Variants in MTHFD1L observed in about 807,000 individuals in gnomAD.
The protein encoded by MTHFD1L is methylenetetrahydrofolate dehydrogenase (NADP+ dependent) 1 like, also known as monofunctional C1-tetrahydrofolate synthase, mitochondrial.
In MTHFD1L, 81 loss-of-function variants were observed where a neutral mutation model predicts 119.5. The ratio of observed to expected loss-of-function variants is 0.68; its 90% CI spans 0.57 to 0.82. The LOEUF (loss-of-function observed/expected upper bound fraction) is 0.82, where lower values mean the gene tolerates loss of function less well. Ranked by LOEUF, MTHFD1L falls within the 40% of genes least tolerant of loss-of-function variation. The pLI is 0.00. For missense variants in MTHFD1L, 1,125 were observed against 1,253.4 expected (o/e 0.90, Z 1.55); for synonymous variants, 430 against 475.2 (o/e 0.90, Z 1.24).
chr6:150,924,450 G>T (rs1789566272), intron 10 of MTHFD1L, among the ~76,000 whole-genome samples: 1 of 151,690 alleles, frequency 6.6e-6, no homozygotes, highest in Non-Finnish European at 1.5e-5. Context: ...GGGCTTACAG[G>T]CATGAGCCAC....
chr6:151,066,370 G>A (rs12182430), intron 26 of MTHFD1L, among the ~76,000 whole-genome samples: 74 of 139,834 alleles, frequency 5.3e-4, no homozygotes, highest in Non-Finnish European at 1.0e-3. Context: ...CCAGGAGGCA[G>A]AGCTTGCAAG....
At chr6:151,081,498 C>CAAAAAAAA (rs56795003) in intron 26 of MTHFD1L, among the ~76,000 whole-genome samples, 28 of 98,152 alleles carry the variant, frequency 2.9e-4, no homozygotes, top group African/African-American at 4.6e-4. Flanking sequence ...ACTAAAAATG[C>CAAAAAAAA]AAAAAAAAAA....
At chr6:150,898,956 G>A (rs1190408318) in intron 7 of MTHFD1L, 3 of 1,061,932 alleles carry the variant, frequency 2.8e-6, no homozygotes, top group East Asian at 2.0e-4. Flanking sequence ...TCCTGTGAAA[G>A]GGAATTATTT....
chr6:151,014,652 C>G (rs1206346452), intron 22 of MTHFD1L, among the ~76,000 whole-genome samples: 1 of 152,234 alleles, frequency 6.6e-6, no homozygotes, highest in African/African-American at 2.4e-5. Context: ...CTGTCCTCAG[C>G]AGGGTGAGCT....
chr6:150,877,832 A>T lies in MTHFD1L; in HGVS notation c.417+6A>T. The T allele has an allele frequency of 6.2e-7, 1 of 1,614,216 alleles. No homozygotes were observed. Among genetic ancestry groups the T allele is most frequent in the South Asian group, 1.1e-5 (1 of 91,086 alleles). On this transcript the variant is annotated splice_donor_region_variant and intron_variant, in intron 4 of 27. Transcript: ENST00000367321. ...CAGATAGCAGTGAAGCCGAGGTAAT[A>T]ATGGCAGAGCTCTAAACTCTTGCTT...
chr6:151,029,917 T>A (rs1318361048), intron 24 of MTHFD1L, among the ~76,000 whole-genome samples: 2 of 152,210 alleles, frequency 1.3e-5, no homozygotes, highest in Non-Finnish European at 2.9e-5. Flanking sequence ...AAAATCACAC[T>A]CTTTATTTTT....
At chr6:150,880,001 G>A (rs1027183663) in intron 4 of MTHFD1L, among the ~76,000 whole-genome samples, 3 of 152,172 alleles carry the variant, frequency 2.0e-5, no homozygotes, top group Non-Finnish European at 4.4e-5. Context: ...TTGTGCATGT[G>A]TGTGGGGTAC....
chr6:151,074,605 G>A (rs77260600), intron 26 of MTHFD1L, among the ~76,000 whole-genome samples: 3,224 of 152,306 alleles, frequency 0.021, 89 homozygotes, highest in South Asian at 0.11. Flanking sequence ...GTCATGTGCT[G>A]TATAATAACG....
intron 26 of MTHFD1L, among the ~76,000 whole-genome samples, chr6:151,084,516 C>T (rs1394134720): frequency 6.6e-6 from 1 of 152,250 alleles, no homozygotes; most frequent in Non-Finnish European, 1.5e-5. Flanking sequence ...TGGCCCCAAG[C>T]GATCCTCCCA....
Position 150,865,955 on chromosome 6 carries a change from G to C in MTHFD1L, c.133G>C (p.Gly45Arg). ...CGGAGGCGGCGGCGGTGGCCGGGAG[G>C]GCCTGCTTGGACAGCGGCGGCCGCA... ...GGGGGGGGRE[G>R]LLGQRRPQDG... The change falls in exon 1 of 28, where the codon GGC becomes CGC. Residue 45 changes from glycine (G) to arginine (R), a missense_variant. Around this residue, in one of 3 missense-constraint regions of MTHFD1L, gnomAD observed 1,058 missense variants for 1,151.2 expected, o/e 0.92. Coordinates refer to ENST00000367321, the MANE Select transcript of MTHFD1L (RefSeq NM_015440.5). 1.6e-6 allele frequency: 2 copies of C among 1,243,432 alleles called. No individual in the cohort carries two copies. The highest frequency in any genetic ancestry group is 2.0e-6 in the Non-Finnish European group (2 of 997,536). The allele number at this position is 1,243,432 out of a possible 1,614,324, so 77.0% of individuals were successfully genotyped here.
chr6:150,945,594 A>G (rs1313626901), intron 15 of MTHFD1L, 53 bp downstream of exon 15: 3 of 1,534,774 alleles, frequency 2.0e-6, no homozygotes, highest in Non-Finnish European at 1.8e-6. Context: ...GAAACGCATC[A>G]GAAAGATTGT....
rs1781593847 is a variant in MTHFD1L at position 150,882,867 on chromosome 6, C to T, written c.523C>T (p.Pro175Ser). The T allele has an allele frequency of 6.4e-7, 1 of 1,569,790 alleles. No homozygotes were observed. The highest frequency in any genetic ancestry group is 2.4e-5 in the East Asian group (1 of 42,396). Residue 175 changes from proline (P) to serine (S), a missense_variant, in exon 5 of 28, where the codon CCA becomes TCA. Physicochemically the swap from Pro to Ser is moderately conservative, Grantham distance 74. Around this residue, in one of 3 missense-constraint regions of MTHFD1L, gnomAD observed 1,058 missense variants for 1,151.2 expected, o/e 0.92. Transcript: ENST00000367321. Reference protein sequence around the residue: ...FSNKVLNALKPEKDVDGVTDI... With the variant: ...FSNKVLNALKSEKDVDGVTDI... ...CAACAAAGTCCTCAATGCCTTGAAA[C>T]CAGAAAAAGATGTGGATGGGTAAGA...
intron 20 of MTHFD1L, among the ~76,000 whole-genome samples, chr6:150,987,624 C>T (rs2128436273): frequency 6.6e-6 from 1 of 152,342 alleles, no homozygotes; most frequent in South Asian, 2.1e-4. Flanking sequence ...CAAGGGGGAG[C>T]AGGAATTTGA....
In MTHFD1L at chr6:150,992,881, T is replaced by C. The variant is rs116596948; in HGVS notation, c.2126-16938T>C. 3.2e-3 allele frequency among the ~76,000 whole-genome samples: 490 copies of C among 152,336 alleles called. 5 individuals carry two copies. Among genetic ancestry groups the C allele is most frequent in the African/African-American group, 0.011 (464 of 41,570 alleles). On this transcript the variant is annotated intron_variant, in intron 20 of 27. Coordinates refer to ENST00000367321, the MANE Select transcript of MTHFD1L (RefSeq NM_015440.5). Reference sequence around the variant, plus strand: ...CCCAGAGACATGAACAGTGCTGAGATTTCTCAGTGGTTTCCCATGTAGGCT... The same window carrying C: ...CCCAGAGACATGAACAGTGCTGAGACTTCTCAGTGGTTTCCCATGTAGGCT...
chr6:150,895,057 C>T (rs927370288), intron 7 of MTHFD1L, among the ~76,000 whole-genome samples: 1 of 152,162 alleles, frequency 6.6e-6, no homozygotes, highest in Non-Finnish European at 1.5e-5. Flanking sequence ...TGTCAGGAAG[C>T]CAAGGCACTG....
intron 17 of MTHFD1L, among the ~76,000 whole-genome samples, chr6:150,959,836 C>T (rs1351552446): frequency 6.6e-6 from 1 of 152,194 alleles, no homozygotes; most frequent in Non-Finnish European, 1.5e-5. Context: ...GGGTCTCATG[C>T]TCCGTGCTGG....
Position 150,865,983 on chromosome 6 carries a change from A to G in MTHFD1L, c.161A>G (p.Asp54Gly). Residue 54 changes from aspartate (D) to glycine (G), a missense_variant, in exon 1 of 28, where the codon GAT (aspartate) becomes GGT (glycine). Coordinates refer to ENST00000367321, the MANE Select transcript of MTHFD1L (RefSeq NM_015440.5). ...CTGCTTGGACAGCGGCGGCCGCAGG[A>G]TGGCCAGGCCCGGAGCAGCTGCAGC... ...EGLLGQRRPQ[D>G]GQARSSCSPG... 1.6e-6 allele frequency: 2 copies of G among 1,287,418 alleles called. No homozygotes were observed. The highest frequency in any genetic ancestry group is 2.0e-6 in the Non-Finnish European group (2 of 1,023,566). The allele number at this position is 1,287,418 out of a possible 1,614,324, so 79.7% of individuals were successfully genotyped here.
intron 15 of MTHFD1L, among the ~76,000 whole-genome samples, chr6:150,947,928 C>T (rs898876980): frequency 6.6e-6 from 1 of 152,172 alleles, no homozygotes; most frequent in Non-Finnish European, 1.5e-5. Context: ...GAAATCTGGC[C>T]ATAGGTATTT....
intron 11 of MTHFD1L, chr6:150,934,830 A>T: frequency 8.9e-7 from 1 of 1,123,428 alleles, no homozygotes. Context: ...TCCCTCGTAG[A>T]AATGCCTGCC....
Sources: allele counts gnomAD v4.1 joint callset (sites outside exome capture counted in the v4.1 genomes callset), GRCh38; gene constraint gnomAD v4.1.1; regional missense constraint gnomAD v4.1.1; transcripts MANE v1.5; gene names NCBI Gene and HGNC (gene_info 2026-07-23, HGNC 2026-07-21).